Variants in ANK3 observed in about 807,000 individuals in gnomAD.
ANK3 encodes ankyrin-3.
In ANK3, 57 loss-of-function variants were observed where a neutral mutation model predicts 370.9. The ratio of observed to expected loss-of-function variants is 0.15; its 90% CI spans 0.12 to 0.19. The LOEUF (loss-of-function observed/expected upper bound fraction) is 0.19, where lower values mean the gene tolerates loss of function less well. Among genes scored for constraint, ANK3 ranks in the 10% least tolerant of loss-of-function variants. The pLI, the probability that ANK3 is intolerant of heterozygous loss-of-function variation, is 1.00. For missense variants in ANK3, 4,439 were observed against 5,302.1 expected (o/e 0.84, Z 5.06); for synonymous variants, 1,929 against 1,946.3 (o/e 0.99, Z 0.23).
intron 2 of ANK3, among the ~76,000 whole-genome samples, chr10:60,418,212 C>A (rs2132945705): frequency 6.6e-6 from 1 of 152,268 alleles, no homozygotes; most frequent in South Asian, 2.1e-4. Context: ...ATCTGAAGCA[C>A]CACTGTGACT....
At chr10:60,496,723 T>A (rs1224856537) in intron 2 of ANK3, among the ~76,000 whole-genome samples, 2 of 130,614 alleles carry the variant, frequency 1.5e-5, no homozygotes, top group African/African-American at 5.8e-5. Context: ...CTGCATAACT[T>A]TTTGAGACCG....
chr10:60,358,950 T>C (rs1566827478), intron 1 of ANK3, among the ~76,000 whole-genome samples: 1 of 152,190 alleles, frequency 6.6e-6, no homozygotes, highest in Non-Finnish European at 1.5e-5. Context: ...AGCAACTCTT[T>C]CTAGTTACTA....
At position 60,088,289 on chromosome 10, in the gene ANK3, T is replaced by G. The variant is rs764486962; in HGVS notation, c.3398A>C (p.Tyr1133Ser). Residue 1133 changes from tyrosine (Y) to serine (S), a missense_variant, in exon 29 of 44, where the codon TAT becomes TCT. By Grantham distance (144) the Tyr-to-Ser change is moderately radical. Transcript: ENST00000280772. The part of the protein sequence containing the change: ...CRIITKDFPQ[Y>S]FAVVSRIKQE... The stretch of plus-strand genomic sequence containing the variant: ...CTTAATCCGGGAAACCACTGCAAAA[T>G]ACTGGGGGAAATCTTTCGTGATAAT... 1.5e-5 allele frequency: 24 copies of G among 1,614,038 alleles called. No homozygotes were observed. The highest frequency in any genetic ancestry group is 1.9e-5 in the Non-Finnish European group (22 of 1,180,024).
intron 1 of ANK3, among the ~76,000 whole-genome samples, chr10:60,692,991 C>G (rs113322258): frequency 2.0e-5 from 3 of 152,140 alleles, no homozygotes; most frequent in Admixed American, 6.5e-5. Context: ...TCTGAGGTAC[C>G]GGGTTCATCT....
At chr10:60,214,440 T>G (rs949136206) in intron 8 of ANK3, among the ~76,000 whole-genome samples, 7 of 152,126 alleles carry the variant, frequency 4.6e-5, no homozygotes, top group Non-Finnish European at 8.8e-5. Context: ...CGTGTAGGTT[T>G]GTTACACAGG....
chr10:60,692,041 A>C (rs1026519740), intron 1 of ANK3, among the ~76,000 whole-genome samples: 1 of 152,212 alleles, frequency 6.6e-6, no homozygotes. Context: ...GCTAAATTCA[A>C]GCCATCATCA....
intron 1 of ANK3, among the ~76,000 whole-genome samples, chr10:60,685,576 G>A (rs1009775989): frequency 1.1e-4 from 16 of 152,124 alleles, no homozygotes; most frequent in Admixed American, 2.6e-4. Flanking sequence ...GAAATAACCC[G>A]CGCTCATGAA....
chr10:60,596,326 T>C (rs930439005), intron 2 of ANK3, among the ~76,000 whole-genome samples: 1 of 152,020 alleles, frequency 6.6e-6, no homozygotes, highest in African/African-American at 2.4e-5. Flanking sequence ...AATAATGAAA[T>C]CACCAACACT....
At chr10:60,378,589 T>C (rs1325036752) in intron 1 of ANK3, among the ~76,000 whole-genome samples, 31 of 152,114 alleles carry the variant, frequency 2.0e-4, no homozygotes, top group Non-Finnish European at 1.5e-5. Flanking sequence ...AGAACGCTCA[T>C]TGGGGAAAGG....
chr10:60,670,520 G>A (rs915232399), intron 1 of ANK3, among the ~76,000 whole-genome samples: 13 of 151,948 alleles, frequency 8.6e-5, no homozygotes, highest in South Asian at 2.1e-4. Flanking sequence ...TTGGATTACT[G>A]CAATAGGTTT....
intron 25 of ANK3, among the ~76,000 whole-genome samples, chr10:60,126,949 T>A (rs1350648830): frequency 1.3e-5 from 2 of 152,136 alleles, no homozygotes; most frequent in Admixed American, 1.3e-4. Flanking sequence ...CTGAACTGGT[T>A]TAAGATACTC....
At chr10:60,668,165 G>A (rs1014234916) in intron 1 of ANK3, among the ~76,000 whole-genome samples, 3 of 151,468 alleles carry the variant, frequency 2.0e-5, no homozygotes, top group African/African-American at 7.4e-5. Context: ...GAAACTCAGA[G>A]GAGAACGTAA....
At chr10:60,724,042 C>T (rs151093699) in intron 1 of ANK3, among the ~76,000 whole-genome samples, 1 of 135,468 alleles carries the variant, frequency 7.4e-6, no homozygotes, top group African/African-American at 2.6e-5. Context: ...AACCCCGTCT[C>T]TACTAAAAAT....
chr10:60,162,305 G>T (rs886164706), intron 23 of ANK3, among the ~76,000 whole-genome samples: 1 of 152,070 alleles, frequency 6.6e-6, no homozygotes, highest in Non-Finnish European at 1.5e-5. Flanking sequence ...CTAGACTTTG[G>T]GGGCAGGGGA....
At chr10:60,198,627 T>TA (rs758713923) in intron 13 of ANK3, 90 bp from the exon 14 acceptor site, 15 of 1,193,036 alleles carry the variant, frequency 1.3e-5, no homozygotes, top group Non-Finnish European at 1.9e-5. Flanking sequence ...CTGCTTGATG[T>TA]AAGAGGTACA....
intron 43 of ANK3, among the ~76,000 whole-genome samples, chr10:60,039,704 T>A (rs1178558836): frequency 6.6e-6 from 1 of 152,092 alleles, no homozygotes; most frequent in Non-Finnish European, 1.5e-5. Context: ...AGTTTCCCTA[T>A]TTTTTTAAAA....
At chr10:60,413,544 A>G (rs949676584) in intron 2 of ANK3, among the ~76,000 whole-genome samples, 34 of 152,216 alleles carry the variant, frequency 2.2e-4, no homozygotes, top group Non-Finnish European at 1.8e-4. Flanking sequence ...ATTGCTCAAC[A>G]TCAAATATCA....
intron 1 of ANK3, among the ~76,000 whole-genome samples, chr10:60,732,017 A>C (rs965058354): frequency 6.6e-6 from 1 of 152,216 alleles, no homozygotes; most frequent in African/African-American, 2.4e-5. Context: ...AGAGACGACA[A>C]CTAAAGGAAA....
chr10:60,230,879 C>T (rs1442091029), intron 8 of ANK3, among the ~76,000 whole-genome samples: 4 of 135,886 alleles, frequency 2.9e-5, no homozygotes, highest in Admixed American at 7.9e-5. Flanking sequence ...ACTGACAGAG[C>T]GAGACTCCAT....
Sources: allele counts gnomAD v4.1 joint callset (sites outside exome capture counted in the v4.1 genomes callset), GRCh38; gene constraint gnomAD v4.1.1; transcripts MANE v1.5; gene names NCBI Gene and HGNC (gene_info 2026-07-23, HGNC 2026-07-21).